Variants in NLRP7 observed in about 807,000 individuals in gnomAD.
NLRP7 encodes the protein NLR family pyrin domain containing 7.
A neutral mutation model predicts 85.5 loss-of-function variants in NLRP7; 72 were observed. That is an observed-to-expected ratio of 0.84 (90% CI 0.70 to 1.02). NLRP7 has a LOEUF of 1.02. Ranked by LOEUF, NLRP7 falls within the 50% of genes least tolerant of loss-of-function variation. The pLI is 0.00. For synonymous variants in NLRP7, 550 were observed against 505.2 expected (o/e 1.09, Z -1.19); for missense variants, 1,243 against 1,219.5 (o/e 1.02, Z -0.29).
At position 54,936,475 on chromosome 19, in the gene NLRP7, C is replaced by T. The variant is rs374924178; in HGVS notation, c.2130-44G>A. ...GATTCCACTTGGAGTGATTAATACTCACATTGTGTGGAGGCATGTATAAAC... is the reference window on the plus strand; with the variant it reads ...GATTCCACTTGGAGTGATTAATACTTACATTGTGTGGAGGCATGTATAAAC... On this transcript the variant is annotated intron_variant, in intron 5 of 9. Coordinates refer to ENST00000340844, the Ensembl canonical transcript of NLRP7. 8.0e-6 allele frequency: 12 copies of T among 1,498,532 alleles called. No individual in the cohort carries two copies. The African/African-American group carries it at 1.5e-4, about 19-fold the overall frequency. The allele number at this position is 1,498,532 out of a possible 1,614,324, so 92.8% of individuals were successfully genotyped here.
Position 54,923,890 on chromosome 19 carries a change from C to T in NLRP7, c.2811-18G>A, listed in dbSNP as rs947297148. 14 of 1,609,738 alleles carry T rather than the reference C, an allele frequency of 8.7e-6. No individual in the cohort carries two copies. Among genetic ancestry groups the T allele is most frequent in the Non-Finnish European group, 1.2e-5 (14 of 1,178,786 alleles). On this transcript the variant is annotated intron_variant, in intron 9 of 9. Coordinates refer to ENST00000340844, the Ensembl canonical transcript of NLRP7. ...TCTTCAACCTGGAGGGATCAGAGAA[C>T]ACAAATGTTCCCAGAAATTCATTCT...
At chr19:54,947,684 A>G (rs118021603), upstream of NLRP7, 635 of 1,273,986 alleles carry the variant, frequency 5.0e-4, 11 homozygotes, top group East Asian at 0.023. Flanking sequence ...TTTGGCTGTA[A>G]TTGGGCTTCA....
chr19:54,935,454 G>A (rs1442555662), intron 6 of NLRP7, among the ~76,000 whole-genome samples: 1 of 152,090 alleles, frequency 6.6e-6, no homozygotes, highest in Non-Finnish European at 1.5e-5. Context: ...CTAGCACTTT[G>A]GGAGGCCGAG....
intron 9 of NLRP7, among the ~76,000 whole-genome samples, chr19:54,928,084 G>C (rs1366597140): frequency 6.6e-6 from 1 of 152,126 alleles, no homozygotes. Context: ...GCCATGCATG[G>C]TGGTGTGTGC....
intron 8 of NLRP7, among the ~76,000 whole-genome samples, chr19:54,931,453 G>A (rs1424426245): frequency 6.6e-6 from 1 of 152,094 alleles, no homozygotes; most frequent in Non-Finnish European, 1.5e-5. Context: ...ACTTTGGGAG[G>A]CTGAGGCAGA....
chr19:54,942,280 A>AG (rs1426149458), intron 1 of NLRP7, among the ~76,000 whole-genome samples: 1 of 148,246 alleles, frequency 6.7e-6, no homozygotes, highest in Non-Finnish European at 1.5e-5. Context: ...AAAAAAAAAA[A>AG]AGAATACAAA....
At chr19:54,943,564 G>A (rs969207406) in intron 1 of NLRP7, among the ~76,000 whole-genome samples, 24 of 138,932 alleles carry the variant, frequency 1.7e-4, no homozygotes, top group African/African-American at 5.4e-4. Context: ...TCGCGCCACC[G>A]CACTCCAGCC....
chr19:54,954,732 G>GCTA (rs1329723596), intron 1 of NLRP7, among the ~76,000 whole-genome samples: 3 of 151,976 alleles, frequency 2.0e-5, no homozygotes, highest in Non-Finnish European at 4.4e-5. Flanking sequence ...TGTAATCCCA[G>GCTA]CTACTCAGGA....
intron 6 of NLRP7, 127 bp downstream of exon 6, chr19:54,936,134 G>C: frequency 1.2e-6 from 1 of 811,238 alleles, no homozygotes; most frequent in Non-Finnish European, 2.1e-6. Context: ...CCCCACACAG[G>C]CCTGTTTGAG....
intron 6 of NLRP7, among the ~76,000 whole-genome samples, chr19:54,935,275 G>A (rs1228417654): frequency 1.3e-5 from 2 of 151,914 alleles, no homozygotes; most frequent in African/African-American, 2.4e-5. Context: ...TGTTGCCCAG[G>A]CTGGAGTGCA....
Position 54,940,357 on chromosome 19 carries a change from G to C in NLRP7, c.462C>G (p.Asn154Lys). 2.5e-6 allele frequency: 4 copies of C among 1,614,212 alleles called. No homozygotes were observed. In the South Asian group the frequency reaches 4.4e-5, roughly 18 times the overall value. The stretch of plus-strand genomic sequence containing the variant: ...GATTCAAGAATGGAATGAACCGTTG[G>C]TTTCTCAGAGTGACGTCGTCATGGA... Residue 154 changes from asparagine (N) to lysine (K), a missense_variant, in exon 4 of 10, where the codon AAC (asparagine) becomes AAG (lysine). By Grantham distance (94) the Asn-to-Lys change is moderately conservative. Transcript: ENST00000340844.
upstream of NLRP7, among the ~76,000 whole-genome samples, chr19:54,949,249 G>C (rs1264610624): frequency 4.0e-5 from 6 of 150,736 alleles, no homozygotes; most frequent in African/African-American, 7.3e-5. Context: ...CTGCGCTCCA[G>C]CCTGGGCGAC....
intron 2 of NLRP7, among the ~76,000 whole-genome samples, 158 bp downstream of exon 2, chr19:54,941,277 G>A (rs546499579): frequency 6.7e-6 from 1 of 149,782 alleles, no homozygotes; most frequent in South Asian, 2.1e-4. Flanking sequence ...GGCTGAGATA[G>A]GAGAATCACT....
At chr19:54,929,546 T>C (rs2068585278) in intron 9 of NLRP7, among the ~76,000 whole-genome samples, 1 of 152,124 alleles carries the variant, frequency 6.6e-6, no homozygotes, top group Admixed American at 6.6e-5. Context: ...GAGCTCGCCA[T>C]TCCATTTGTG....
At position 54,958,120 on chromosome 19, in the gene NLRP7, C is replaced by T. The variant is rs1043674781; in HGVS notation, c.-77+7920G>A. Among the ~76,000 whole-genome samples, 23 of 151,938 alleles carry T rather than the reference C, an allele frequency of 1.5e-4. 1 individual carries two copies. The highest frequency in any genetic ancestry group is 1.5e-3 in the Admixed American group (23 of 15,212). On this transcript the variant is annotated intron_variant, in intron 1 of 2. Coordinates refer to the NLRP7 transcript ENST00000587103. ...ATCCCAGCTACTTGGAAGGCTAGGG[C>T]AGGAGAATCGCTTGGTTTGGGATTT...
At position 54,940,826 on chromosome 19, in the gene NLRP7, CAA is replaced by C. The variant is rs11290760; in HGVS notation, c.352+103_352+104del. The C allele has an allele frequency of 1.5e-3, 1,153 of 758,124 alleles. 1 individual carries two copies. Among genetic ancestry groups the C allele is most frequent in the South Asian group, 2.9e-3 (199 of 69,428 alleles). The allele number at this position is 758,124 out of a possible 1,614,324, so 47.0% of individuals were successfully genotyped here. A position where few individuals can be genotyped will look rare whatever the true frequency, so the allele number is the denominator to read the frequency against. On this transcript the variant is annotated intron_variant, in intron 3 of 9. Coordinates refer to ENST00000340844, the Ensembl canonical transcript of NLRP7. ...TGGGCTACAGAGCAAGATTCCGTCT[CAA>C]AAAAAAAAAAAACTACCAGAAATGA...
exon 10 of NLRP7, chr19:54,923,604 G>T: frequency 1.0e-6 from 1 of 995,512 alleles, no homozygotes; most frequent in Non-Finnish European, 1.6e-6. Context: ...CCCAAAAATA[G>T]TGAGAAAACC....
chr19:54,929,132 G>A (rs924381821), intron 9 of NLRP7, among the ~76,000 whole-genome samples: 1 of 152,148 alleles, frequency 6.6e-6, no homozygotes, highest in Non-Finnish European at 1.5e-5. Context: ...ACTTTGGGAG[G>A]TTGAGGCAGG....
At chr19:54,930,906 C>T (rs2068649350) in intron 8 of NLRP7, among the ~76,000 whole-genome samples, 1 of 152,054 alleles carries the variant, frequency 6.6e-6, no homozygotes, top group Non-Finnish European at 1.5e-5. Context: ...GCCTGTAGTG[C>T]CAGCTACTCA....
Sources: gnomAD v4.1 joint callset for allele counts (sites outside exome capture counted in the v4.1 genomes callset) on GRCh38, gnomAD v4.1.1 for gene constraint, MANE v1.5 for transcripts, NCBI Gene and HGNC (gene_info 2026-07-23, HGNC 2026-07-21) for gene names.